Variants in PTPRD observed in about 807,000 individuals in gnomAD.
PTPRD encodes the protein receptor-type tyrosine-protein phosphatase delta.
Under a neutral mutation model 214.5 loss-of-function variants are expected in PTPRD, and 34 were observed. The observed-to-expected ratio is 0.16, with a 90% CI of 0.12 to 0.21. The LOEUF (loss-of-function observed/expected upper bound fraction) is 0.21, where lower values mean the gene tolerates loss of function less well. Among genes scored for constraint, PTPRD ranks in the 10% least tolerant of loss-of-function variants. The pLI, the probability that PTPRD is intolerant of heterozygous loss-of-function variation, is 1.00. For synonymous variants in PTPRD, 1,128 were observed against 845.7 expected (o/e 1.33, Z -5.79); for missense variants, 2,545 against 2,398.7 (o/e 1.06, Z -1.27).
chr9:9,306,833 C>T (rs1957306788), intron 9 of PTPRD, among the ~76,000 whole-genome samples: 1 of 152,004 alleles, frequency 6.6e-6, no homozygotes, highest in Non-Finnish European at 1.5e-5. Context: ...TATTATAATC[C>T]AAATCGTTAG....
At chr9:8,422,031 AG>A (rs552565857) in intron 35 of PTPRD, among the ~76,000 whole-genome samples, 78 of 150,426 alleles carry the variant, frequency 5.2e-4, no homozygotes, top group African/African-American at 1.9e-3. Flanking sequence ...TTGTAATCTC[AG>A]TTACTTGGGA....
At chr9:10,547,170 C>G (rs2060343084) in intron 2 of PTPRD, among the ~76,000 whole-genome samples, 1 of 152,100 alleles carries the variant, frequency 6.6e-6, no homozygotes, top group African/African-American at 2.4e-5. Flanking sequence ...GTGGGGATGA[C>G]AGAGAGCAAC....
chr9:10,212,659 G>A (rs2099522705), intron 3 of PTPRD, among the ~76,000 whole-genome samples: 1 of 152,130 alleles, frequency 6.6e-6, no homozygotes, highest in Non-Finnish European at 1.5e-5. Flanking sequence ...TTCTCTGGAT[G>A]TGTGATTTAA....
At chr9:8,334,193 CA>C (rs920115039) in intron 43 of PTPRD, among the ~76,000 whole-genome samples, 16 of 152,114 alleles carry the variant, frequency 1.1e-4, no homozygotes, top group Non-Finnish European at 1.9e-4. Context: ...ACCTAATAGA[CA>C]TCTACAGAAC....
At chr9:8,487,816 A>AAACG (rs1352886504) in intron 27 of PTPRD, among the ~76,000 whole-genome samples, 1 of 73,300 alleles carries the variant, frequency 1.4e-5, no homozygotes, top group African/African-American at 5.0e-5. Flanking sequence ...TCTCAAAAAC[A>AAACG]AACAAACAAA....
chr9:10,434,328 A>G (rs565992500), intron 2 of PTPRD, among the ~76,000 whole-genome samples: 2 of 152,048 alleles, frequency 1.3e-5, no homozygotes, highest in Admixed American at 6.6e-5. Flanking sequence ...ATGCAAATGT[A>G]TTAGATCAAA....
chr9:8,546,373 A>T (rs2080149812), intron 14 of PTPRD, among the ~76,000 whole-genome samples: 1 of 152,218 alleles, frequency 6.6e-6, no homozygotes, highest in South Asian at 2.1e-4. Flanking sequence ...AATGTTGTGA[A>T]ATTAAACATG....
At chr9:8,544,011 A>G (rs1160268377) in intron 14 of PTPRD, among the ~76,000 whole-genome samples, 2 of 151,720 alleles carry the variant, frequency 1.3e-5, no homozygotes, top group Non-Finnish European at 2.9e-5. Flanking sequence ...TGCCTGGCCA[A>G]AACATTTTAA....
At chr9:8,466,030 C>A (rs2096538143) in intron 31 of PTPRD, among the ~76,000 whole-genome samples, 1 of 151,796 alleles carries the variant, frequency 6.6e-6, no homozygotes, top group African/African-American at 2.4e-5. Context: ...AAGCCTTGCC[C>A]TGCAGGAGAT....
At position 8,930,137 on chromosome 9, in the gene PTPRD, T is replaced by A. The variant is rs199647330; in HGVS notation, c.-104+88560A>T. Among the ~76,000 whole-genome samples, 55 of 139,268 alleles carry A rather than the reference T, an allele frequency of 3.9e-4. 2 individuals carry two copies. In the South Asian group the frequency reaches 0.012, roughly 29 times the overall value. The allele number at this position is 139,268 out of a possible 152,430, so 91.4% of individuals were successfully genotyped here. A position where few individuals can be genotyped will look rare whatever the true frequency, so the allele number is the denominator to read the frequency against. Reference sequence around the variant, plus strand: ...CCCCCCACACCACAACAGGCCCCAGTGTGTGATGTTCCCCTTCCTGTGTCC... The same window carrying A: ...CCCCCCACACCACAACAGGCCCCAGAGTGTGATGTTCCCCTTCCTGTGTCC... On this transcript the variant is annotated intron_variant, in intron 11 of 45. Transcript: ENST00000381196.
chr9:9,067,499 C>T (rs1231919079), intron 10 of PTPRD, among the ~76,000 whole-genome samples: 1 of 152,076 alleles, frequency 6.6e-6, no homozygotes, highest in African/African-American at 2.4e-5. Flanking sequence ...TTCAAGTGTA[C>T]CTCTTCCTCT....
At chr9:9,794,954 G>A (rs899800635) in intron 5 of PTPRD, among the ~76,000 whole-genome samples, 1 of 152,182 alleles carries the variant, frequency 6.6e-6, no homozygotes, top group African/African-American at 2.4e-5. Context: ...AAATATCACA[G>A]GTCTAAATGA....
chr9:8,699,979 T>C (rs555522421), intron 12 of PTPRD, among the ~76,000 whole-genome samples: 1 of 152,314 alleles, frequency 6.6e-6, no homozygotes, highest in South Asian at 2.1e-4. Flanking sequence ...GAGAACCCAA[T>C]TCCAACATTT....
At position 8,722,357 on chromosome 9, in the gene PTPRD, G is replaced by C. The variant is rs567512125; in HGVS notation, c.64+11423C>G. On this transcript the variant is annotated intron_variant, in intron 12 of 45. Transcript: ENST00000381196. ...GGTAGGCAAGGGAGCCATTATTTAA[G>C]GCAAATCTGGTTACTAACACCATGT... is the stretch of plus-strand genomic sequence containing the variant. Among the ~76,000 whole-genome samples the C allele has an allele frequency of 2.0e-5, 3 of 152,120 alleles. No homozygotes were observed. The South Asian group carries it at 6.2e-4, about 32-fold the overall frequency.
chr9:10,246,965 G>A (rs577747144), intron 3 of PTPRD, among the ~76,000 whole-genome samples: 2 of 151,826 alleles, frequency 1.3e-5, no homozygotes, highest in East Asian at 3.9e-4. Flanking sequence ...AATGTCTTAA[G>A]GCAGTTAATA....
At chr9:9,814,795 C>CTT (rs34270280) in intron 5 of PTPRD, among the ~76,000 whole-genome samples, 39 of 106,358 alleles carry the variant, frequency 3.7e-4, no homozygotes, top group South Asian at 6.2e-4. Context: ...ACCAAAGTGA[C>CTT]TTTTTTTTTT....
chr9:10,516,584 A>G (rs2050189907), intron 2 of PTPRD, among the ~76,000 whole-genome samples: 1 of 151,878 alleles, frequency 6.6e-6, no homozygotes, highest in Non-Finnish European at 1.5e-5. Context: ...TTATGTAGAC[A>G]TACTTGTTTA....
intron 2 of PTPRD, among the ~76,000 whole-genome samples, chr9:10,352,826 C>A (rs777610626): frequency 4.6e-5 from 7 of 151,998 alleles, no homozygotes; most frequent in Non-Finnish European, 1.0e-4. Context: ...CTTTTTTATG[C>A]AGGATTTTAT....
At chr9:9,018,590 C>G (rs2099546119) in intron 11 of PTPRD, 107 bp downstream of exon 11, 1 of 152,048 alleles carries the variant, frequency 6.6e-6, no homozygotes, top group Admixed American at 6.6e-5. Flanking sequence ...AATAAAATTT[C>G]TAACAATTTT....
Sources: allele counts gnomAD v4.1 joint callset (sites outside exome capture counted in the v4.1 genomes callset), GRCh38; gene constraint gnomAD v4.1.1; transcripts MANE v1.5; gene names NCBI Gene and HGNC (gene_info 2026-07-23, HGNC 2026-07-21).